Variants in PLPPR1 observed in about 807,000 individuals in gnomAD.
PLPPR1 encodes phospholipid phosphatase related 1.
A neutral mutation model predicts 33.1 loss-of-function variants in PLPPR1; 10 were observed. That is an observed-to-expected ratio of 0.30 (90% confidence interval 0.19 to 0.51). The LOEUF (loss-of-function observed/expected upper bound fraction) is 0.51, where lower values mean the gene tolerates loss of function less well. PLPPR1 is among the 20% of genes least tolerant of loss of function. The pLI, the probability that PLPPR1 is intolerant of heterozygous loss-of-function variation, is 0.97. For missense variants in PLPPR1, 304 were observed against 408.1 expected (o/e 0.74, Z 2.20); for synonymous variants, 151 against 151.0 (o/e 1.00, Z 0.00).
At chr9:101,048,434 CT>C (rs1331789817) in intron 1 of PLPPR1, among the ~76,000 whole-genome samples, 2 of 152,126 alleles carry the variant, frequency 1.3e-5, no homozygotes, top group African/African-American at 4.8e-5. Context: ...CCTTGGGCCT[CT>C]CAGAAACTGT....
At chr9:101,258,402 TTC>T (rs1827838687) in intron 2 of PLPPR1, among the ~76,000 whole-genome samples, 1 of 152,160 alleles carries the variant, frequency 6.6e-6, no homozygotes, top group African/African-American at 2.4e-5. Flanking sequence ...ATCTTTATAT[TTC>T]TCTCATCCCT....
At chr9:101,216,630 G>A (rs1826801071) in intron 2 of PLPPR1, among the ~76,000 whole-genome samples, 1 of 152,192 alleles carries the variant, frequency 6.6e-6, no homozygotes, top group African/African-American at 2.4e-5. Context: ...AAATTAGGAA[G>A]AGAATCTGCC....
chr9:101,095,113 T>C (rs528714317), intron 1 of PLPPR1, among the ~76,000 whole-genome samples: 4 of 152,336 alleles, frequency 2.6e-5, no homozygotes, highest in Non-Finnish European at 5.9e-5. Flanking sequence ...AAATTGTCTG[T>C]CCTGGAATGG....
At chr9:101,203,114 C>G (rs1437360537) in intron 2 of PLPPR1, among the ~76,000 whole-genome samples, 1 of 152,184 alleles carries the variant, frequency 6.6e-6, no homozygotes, top group South Asian at 2.1e-4. Flanking sequence ...TCAACTCTGT[C>G]ATTACTAAAT....
At chr9:101,031,141 G>A (rs1829940150) in intron 1 of PLPPR1, among the ~76,000 whole-genome samples, 1 of 152,090 alleles carries the variant, frequency 6.6e-6, no homozygotes, top group East Asian at 1.9e-4. Context: ...ATAATTGTCA[G>A]CATATGTCCT....
chr9:101,150,740 T>C (rs1408139903), intron 1 of PLPPR1, among the ~76,000 whole-genome samples: 2 of 152,198 alleles, frequency 1.3e-5, no homozygotes, highest in Non-Finnish European at 2.9e-5. Context: ...CGGTGGATCA[T>C]AGGAAGAGCC....
intron 1 of PLPPR1, among the ~76,000 whole-genome samples, chr9:101,060,893 C>T (rs771544508): frequency 6.6e-5 from 10 of 151,880 alleles, no homozygotes; most frequent in Middle Eastern, 3.2e-3. Context: ...TATAATCACT[C>T]CCTCCTTTTT....
intron 4 of PLPPR1, among the ~76,000 whole-genome samples, chr9:101,298,199 G>T (rs1344376127): frequency 6.6e-6 from 1 of 152,242 alleles, no homozygotes; most frequent in Non-Finnish European, 1.5e-5. Context: ...AAAATAGCTT[G>T]TCATCCAGAG....
At chr9:101,233,039 C>A (rs559048651) in intron 2 of PLPPR1, among the ~76,000 whole-genome samples, 5 of 152,034 alleles carry the variant, frequency 3.3e-5, no homozygotes, top group South Asian at 2.1e-4. Flanking sequence ...AGATTCCAAA[C>A]CTGTGTTGGA....
chr9:101,091,207 C>G (rs1830737254), intron 1 of PLPPR1, among the ~76,000 whole-genome samples: 1 of 152,142 alleles, frequency 6.6e-6, no homozygotes, highest in Admixed American at 6.6e-5. Flanking sequence ...GAAACACCAT[C>G]TCATATAGTT....
chr9:101,038,540 A>G (rs550501446), intron 1 of PLPPR1, among the ~76,000 whole-genome samples: 10 of 152,266 alleles, frequency 6.6e-5, no homozygotes, highest in South Asian at 2.1e-4. Flanking sequence ...TAGATAAGAA[A>G]ATTAGGGTCC....
intron 1 of PLPPR1, among the ~76,000 whole-genome samples, chr9:101,097,325 C>T (rs1830831466): frequency 6.6e-6 from 1 of 152,078 alleles, no homozygotes; most frequent in Non-Finnish European, 1.5e-5. Context: ...CATGTAGCAC[C>T]CAAGTGAACT....
Position 101,317,445 on chromosome 9 carries a change from C to A in PLPPR1, c.894C>A (p.Pro298=), listed in dbSNP as rs969869427. 6.2e-7 allele frequency: 1 copy of A among 1,614,036 alleles called. No individual in the cohort carries two copies. Among genetic ancestry groups the A allele is most frequent in the East Asian group, 2.2e-5 (1 of 44,880 alleles). ...KPKPEDPRGV[P]LMAFPRIESP... is the part of the protein sequence containing the mutation. ...AGCCTGAGGATCCCCGTGGAGTACC[C>A]CTAATGGCTTTCCCAAGGATAGAAA... Residue 298 remains proline (P), a synonymous_variant, in exon 7 of 8, where the codon CCC becomes CCA. Coordinates refer to ENST00000374874, the MANE Select transcript of PLPPR1 (RefSeq NM_207299.2).
intron 3 of PLPPR1, among the ~76,000 whole-genome samples, chr9:101,278,024 C>A (rs1485477782): frequency 6.6e-6 from 1 of 152,150 alleles, no homozygotes; most frequent in African/African-American, 2.4e-5. Flanking sequence ...AACTCCAAAG[C>A]CCGCATTCAG....
Position 101,193,633 on chromosome 9 carries a change from C to T in PLPPR1, c.63+8076C>T, listed in dbSNP as rs143816639. Among the ~76,000 whole-genome samples the T allele has an allele frequency of 4.0e-3, 613 of 152,178 alleles. 5 individuals are homozygous for T. The highest frequency in any genetic ancestry group is 0.014 in the African/African-American group (588 of 41,508). On this transcript the variant is annotated intron_variant, in intron 2 of 7. Coordinates refer to ENST00000374874, the MANE Select transcript of PLPPR1 (RefSeq NM_207299.2). Reference sequence around the variant, plus strand: ...AAAATTGGTGTTATATCATTAAATACACCATATTTGACATTTGTATGGTAT... The same window carrying T: ...AAAATTGGTGTTATATCATTAAATATACCATATTTGACATTTGTATGGTAT...
intron 1 of PLPPR1, among the ~76,000 whole-genome samples, chr9:101,079,391 A>C (rs1830588173): frequency 6.6e-6 from 1 of 152,202 alleles, no homozygotes; most frequent in African/African-American, 2.4e-5. Flanking sequence ...TTCCCAAGAA[A>C]GGATACACAA....
chr9:101,108,098 T>C (rs1280043243), intron 1 of PLPPR1, among the ~76,000 whole-genome samples: 2 of 146,656 alleles, frequency 1.4e-5, no homozygotes, highest in African/African-American at 5.3e-5. Flanking sequence ...AATGCAGAAA[T>C]CACCCGTCTT....
intron 2 of PLPPR1, among the ~76,000 whole-genome samples, chr9:101,219,057 G>T (rs180858803): frequency 1.3e-5 from 2 of 152,140 alleles, no homozygotes; most frequent in Admixed American, 6.5e-5. Context: ...TTTTTAAACC[G>T]GCCATGTCAT....
At chr9:101,291,385 G>A (rs370636386) in intron 4 of PLPPR1, among the ~76,000 whole-genome samples, 3,538 of 152,246 alleles carry the variant, frequency 0.023, 44 homozygotes, top group Middle Eastern at 0.068. Flanking sequence ...AAAAGACAGC[G>A]GTAACCTCTG....
Sources: allele counts gnomAD v4.1 joint callset (sites outside exome capture counted in the v4.1 genomes callset), GRCh38; gene constraint gnomAD v4.1.1; transcripts MANE v1.5; gene names NCBI Gene and HGNC (gene_info 2026-07-23, HGNC 2026-07-21).